Variants in MUSK observed in about 807,000 individuals in gnomAD.
The protein encoded by MUSK is muscle associated receptor tyrosine kinase, also known as muscle, skeletal receptor tyrosine-protein kinase.
MUSK carries 55 observed loss-of-function variants against 88.7 expected under a neutral mutation model. That is an observed-to-expected ratio of 0.62 (90% CI 0.50 to 0.78). MUSK has a LOEUF of 0.78. Among genes scored for constraint, MUSK ranks in the 30% least tolerant of loss-of-function variants. The pLI, the probability that MUSK is intolerant of heterozygous loss-of-function variation, is 0.00. For missense variants in MUSK, 1,015 were observed against 1,074.3 expected (o/e 0.94, Z 0.77); for synonymous variants, 387 against 391.9 (o/e 0.99, Z 0.15).
rs748900538 is a variant in MUSK at position 110,682,680 on chromosome 9, T to C, written c.86T>C (p.Val29Ala). Residue 29 changes from valine to alanine, a missense_variant, in exon 2 of 15, where the codon GTC becomes GCC. Physicochemically the swap from Val to Ala is moderately conservative, Grantham distance 64 (BLOSUM62 0). Transcript: ENST00000374448. ...SGTEKLPKAP[V>A]ITTPLETVDA... ...ATTTCTCCTTTCCTTTCAGCTCCTG[T>C]CATCACCACTCCTCTTGAAACAGTG... 6.2e-7 allele frequency: 1 copy of C among 1,612,084 alleles called. No individual in the cohort carries two copies.
At position 110,800,455 on chromosome 9, in the gene MUSK, G is replaced by C. The variant is rs1216581384; in HGVS notation, c.2077G>C (p.Gly693Arg). ...LSMRAQVSSP[G>R]PPPLSCAEQL... ...TATGAGGGCTCAGGTCTCCAGCCCT[G>C]GGCCCCCACCCCTCTCCTGTGCTGA... Residue 693 changes from glycine (G) to arginine (R), a missense_variant, in exon 15 of 15, where the codon GGG becomes CGG. Gly to Arg is a moderately radical substitution (Grantham distance 125, BLOSUM62 -2). Transcript: ENST00000374448. 2.5e-6 allele frequency: 4 copies of C among 1,613,804 alleles called. No homozygotes were observed. The Admixed American group carries it at 6.7e-5, about 27-fold the overall frequency.
chr9:110,704,708 C>T lies in MUSK; in HGVS notation c.628+7242C>T, dbSNP rs578217008. On this transcript the variant is annotated intron_variant, in intron 5 of 14. Transcript: ENST00000374448. Reference sequence around the variant, plus strand: ...GCATAGAGAATTATATGGGGGGTCCCGGCACGATGGCTCACGCCTATAATC... The same window carrying T: ...GCATAGAGAATTATATGGGGGGTCCTGGCACGATGGCTCACGCCTATAATC... Among the ~76,000 whole-genome samples, 129 of 152,032 alleles carry T rather than the reference C, an allele frequency of 8.5e-4. 1 individual carries two copies. Among genetic ancestry groups the T allele is most frequent in the African/African-American group, 3.0e-3 (123 of 41,476 alleles).
At chr9:110,787,421 C>CTTCATTG (rs2077892449) in intron 13 of MUSK, among the ~76,000 whole-genome samples, 1 of 147,540 alleles carries the variant, frequency 6.8e-6, no homozygotes, top group South Asian at 2.2e-4. Flanking sequence ...GGGGTGTATA[C>CTTCATTG]TTCAGAATTC....
At chr9:110,673,916 T>C (rs567246350) in intron 1 of MUSK, among the ~76,000 whole-genome samples, 92 of 152,204 alleles carry the variant, frequency 6.0e-4, no homozygotes, top group Non-Finnish European at 1.1e-3. Context: ...TACATATTTT[T>C]AAAGTCCTTA....
chr9:110,712,282 G>A (rs963996284), intron 5 of MUSK, among the ~76,000 whole-genome samples: 20 of 151,518 alleles, frequency 1.3e-4, no homozygotes, highest in Admixed American at 3.9e-4. Flanking sequence ...TTTTTTGCTC[G>A]GCCTGGCATG....
chr9:110,767,267 C>A (rs2131953367), intron 8 of MUSK, among the ~76,000 whole-genome samples: 1 of 152,272 alleles, frequency 6.6e-6, no homozygotes, highest in East Asian at 1.9e-4. Flanking sequence ...ACATCACTTT[C>A]TTTTTCTTTA....
At chr9:110,779,799 C>T (rs1452807953) in intron 11 of MUSK, among the ~76,000 whole-genome samples, 3 of 152,112 alleles carry the variant, frequency 2.0e-5, no homozygotes, top group African/African-American at 4.8e-5. Flanking sequence ...ATTTTTATTA[C>T]ATTCTTCTAG....
intron 5 of MUSK, among the ~76,000 whole-genome samples, chr9:110,701,389 T>C (rs1165877860): frequency 1.3e-5 from 2 of 152,212 alleles, no homozygotes; most frequent in African/African-American, 4.8e-5. Flanking sequence ...TTTGAGACTA[T>C]TGCAAAAGAG....
intron 5 of MUSK, among the ~76,000 whole-genome samples, chr9:110,714,922 G>A (rs10817084): frequency 0.39 from 59,153 of 150,056 alleles, 13,583 homozygotes; most frequent in Non-Finnish European, 0.45. Context: ...GTATAGATGA[G>A]CATCTATGTT....
chr9:110,734,273 T>C lies in MUSK; in HGVS notation c.651T>C (p.Ala217=), dbSNP rs768511751. 3.1e-6 allele frequency: 5 copies of C among 1,612,794 alleles called. No individual in the cohort carries two copies. Among genetic ancestry groups the C allele is most frequent in the Non-Finnish European group, 3.4e-6 (4 of 1,179,352 alleles). Residue 217 remains alanine (A), a synonymous_variant, in exon 6 of 15, where the codon GCT becomes GCC. Coordinates refer to ENST00000374448, the MANE Select transcript of MUSK (RefSeq NM_005592.4). ...CAGTTTTTGCCAGGATCCTGCGGGC[T>C]CCTGAATCCCACAATGTCACCTTTG... The part of the protein sequence containing the change: ...EVEVFARILR[A]PESHNVTFGS...
intron 3 of MUSK, among the ~76,000 whole-genome samples, chr9:110,691,023 C>T (rs1192952886): frequency 6.6e-6 from 1 of 151,338 alleles, no homozygotes; most frequent in African/African-American, 2.4e-5. Flanking sequence ...TGCCACCGGA[C>T]CCTGCTAATT....
intron 3 of MUSK, among the ~76,000 whole-genome samples, chr9:110,689,806 A>ATAACTATATATTTAAAAATATAAATATG (rs2076285594): frequency 3.6e-5 from 3 of 83,082 alleles, no homozygotes; most frequent in Non-Finnish European, 6.3e-5. Flanking sequence ...TATATAATAT[A>ATAACTATATATTTAAAAATATAAATATG]TAACTATATA....
At position 110,785,581 on chromosome 9, in the gene MUSK, A is replaced by G; in HGVS notation, c.1641A>G (p.Arg547=). 1 of 1,613,322 alleles carries G rather than the reference A, an allele frequency of 6.2e-7. No individual in the cohort carries two copies. Among genetic ancestry groups the G allele is most frequent in the South Asian group, 1.1e-5 (1 of 90,980 alleles). ...TGCCTTCTGAGCTCTTACTAGATAG[A>G]CTTCATCCCAACCCCATGTACCAGA... is the stretch of plus-strand genomic sequence containing the variant. ...TTLPSELLLD[R]LHPNPMYQRM... is the part of the protein sequence containing the mutation. Residue 547 remains arginine, a synonymous_variant, in exon 13 of 15, where the codon AGA becomes AGG. Transcript: ENST00000374448.
In MUSK at chr9:110,779,969, G is replaced by A. The variant is rs951721110; in HGVS notation, c.1384+3314G>A. On this transcript the variant is annotated intron_variant, in intron 11 of 14. Coordinates refer to ENST00000374448, the MANE Select transcript of MUSK (RefSeq NM_005592.4). The stretch of plus-strand genomic sequence containing the variant: ...GCTTTAAATTTCTAGTATTAATAAT[G>A]GTAATTTTTTCCTTGTATTTATGTT... Among the ~76,000 whole-genome samples the A allele has an allele frequency of 1.1e-4, 17 of 151,990 alleles. No individual in the cohort carries two copies. In the East Asian group the frequency reaches 1.9e-3, roughly 17 times the overall value.
chr9:110,725,691 T>C (rs142145353), intron 5 of MUSK, among the ~76,000 whole-genome samples: 1,865 of 152,122 alleles, frequency 0.012, 22 homozygotes, highest in Non-Finnish European at 0.017. Context: ...TGCTGGACTT[T>C]AGAGGAAAAT....
intron 1 of MUSK, among the ~76,000 whole-genome samples, chr9:110,675,624 C>T (rs1587877451): frequency 7.7e-6 from 1 of 130,572 alleles, no homozygotes; most frequent in Admixed American, 9.2e-5. Flanking sequence ...GGCTGGAGTG[C>T]AGCGGTGCGG....
In MUSK at chr9:110,785,013, A is replaced by C. The variant is rs776545636; in HGVS notation, c.1583A>C (p.Lys528Thr). The change falls in exon 12 of 15, where the codon AAA becomes ACA. Residue 528 changes from lysine to threonine, a missense_variant. Physicochemically the swap from Lys to Thr is moderately conservative, Grantham distance 78. Coordinates refer to ENST00000374448, the MANE Select transcript of MUSK (RefSeq NM_005592.4). Reference protein sequence around the residue: ...CRRRKQWKNKKRESAAVTLTT... With the variant: ...CRRRKQWKNKTRESAAVTLTT... Reference sequence around the variant, plus strand: ...AGAAGAAAACAATGGAAAAATAAGAAAAGGTGAGATTCTAGTTTCAGCTAA... The same window carrying C: ...AGAAGAAAACAATGGAAAAATAAGACAAGGTGAGATTCTAGTTTCAGCTAA... 49 of 1,613,186 alleles carry C rather than the reference A, an allele frequency of 3.0e-5. No homozygotes were observed. Among genetic ancestry groups the C allele is most frequent in the Non-Finnish European group, 3.9e-5 (46 of 1,179,510 alleles).
At chr9:110,789,257 G>T (rs1044154036) in intron 14 of MUSK, among the ~76,000 whole-genome samples, 1 of 152,220 alleles carries the variant, frequency 6.6e-6, no homozygotes, top group Non-Finnish European at 1.5e-5. Context: ...GGGCCAGGTG[G>T]TGGTAGTGAA....
chr9:110,728,680 A>G (rs1366681108), intron 5 of MUSK: 7 of 1,570,564 alleles, frequency 4.5e-6, no homozygotes, highest in Non-Finnish European at 6.1e-6. Context: ...TCTTGTTTTT[A>G]TTAACAGAAG....
Sources: allele counts gnomAD v4.1 joint callset (sites outside exome capture counted in the v4.1 genomes callset), GRCh38; gene constraint gnomAD v4.1.1; transcripts MANE v1.5; gene names NCBI Gene and HGNC (gene_info 2026-07-23, HGNC 2026-07-21).